The following C12orf42 variants were observed in gnomAD, a reference collection of about 807,000 sequenced individuals.
The protein encoded by C12orf42 is chromosome 12 open reading frame 42, also known as uncharacterized protein C12orf42.
In C12orf42, 25 loss-of-function variants were observed where a neutral mutation model predicts 21.6. That is an observed-to-expected ratio of 1.16 (90% CI 0.84 to 1.62). The LOEUF (loss-of-function observed/expected upper bound fraction) is 1.62, where lower values mean the gene tolerates loss of function less well. Among genes scored for constraint, C12orf42 ranks in the 40% most tolerant of loss-of-function variants. The pLI is 0.00. For missense variants in C12orf42, 483 were observed against 459.3 expected, an observed-to-expected ratio of 1.05 and a Z score of -0.47; for synonymous variants, 174 against 175.0, an observed-to-expected ratio of 0.99 and a Z score of 0.05.
the C12orf42 span, among the ~76,000 whole-genome samples, chr12:103,169,752 T>G: frequency 1.3e-5 from 2 of 149,884 alleles, no homozygotes; most frequent in African/African-American, 4.9e-5. Context: ...ATATAAAAAT[T>G]TGATATGCTA....
chr12:103,376,533 C>A (rs2045712459), intron 3 of C12orf42, among the ~76,000 whole-genome samples: 2 of 152,062 alleles, frequency 1.3e-5, no homozygotes, highest in Non-Finnish European at 2.9e-5. Context: ...TGTAACAAAC[C>A]TGCACATTCT....
intron 2 of C12orf42, among the ~76,000 whole-genome samples, chr12:103,473,991 A>G (rs1953835351): frequency 6.6e-6 from 1 of 152,186 alleles, no homozygotes; most frequent in South Asian, 2.1e-4. Flanking sequence ...TTTTAATGCC[A>G]CTGAGAGGTT....
chr12:103,233,941 A>G (rs1475153607), downstream of C12orf42, among the ~76,000 whole-genome samples: 2 of 152,190 alleles, frequency 1.3e-5, no homozygotes, highest in Non-Finnish European at 2.9e-5. Context: ...TAAATTGTAG[A>G]TATACTTCAA....
At chr12:103,147,515 T>G in the C12orf42 span, among the ~76,000 whole-genome samples, 1 of 149,022 alleles carries the variant, frequency 6.7e-6, no homozygotes, top group Non-Finnish European at 1.5e-5. Context: ...TTTTTTTTTT[T>G]TTTTTGGTTC....
chr12:103,294,164 T>C (rs866814169), intron 4 of C12orf42, among the ~76,000 whole-genome samples: 1 of 151,982 alleles, frequency 6.6e-6, no homozygotes, highest in East Asian at 1.9e-4. Flanking sequence ...ACAATAACTA[T>C]TGGTTGAGTT....
the C12orf42 span, among the ~76,000 whole-genome samples, chr12:103,068,934 CATATATAT>C: frequency 0.025 from 1,177 of 47,870 alleles, 40 homozygotes; most frequent in South Asian, 0.039. Flanking sequence ...TCTCTCTCCA[CATATATAT>C]ATATATATAT....
At chr12:103,400,341 T>C (rs1028833496) in intron 3 of C12orf42, among the ~76,000 whole-genome samples, 2 of 152,240 alleles carry the variant, frequency 1.3e-5, no homozygotes, top group African/African-American at 4.8e-5. Context: ...TACTCCTTGA[T>C]GTGAGATTGG....
chr12:103,236,048 T>C (rs1467683973), downstream of C12orf42, among the ~76,000 whole-genome samples: 1 of 152,204 alleles, frequency 6.6e-6, no homozygotes, highest in South Asian at 2.1e-4. Flanking sequence ...TGCTCTGAGA[T>C]TGCACTTCAG....
chr12:103,437,585 C>T (rs1950835391), intron 2 of C12orf42, among the ~76,000 whole-genome samples: 1 of 151,954 alleles, frequency 6.6e-6, no homozygotes, highest in Non-Finnish European at 1.5e-5. Context: ...CACCACCGAT[C>T]CCACAGAAAT....
At chr12:103,312,674 C>A (rs981955723) in intron 4 of C12orf42, among the ~76,000 whole-genome samples, 3 of 152,168 alleles carry the variant, frequency 2.0e-5, no homozygotes, top group Non-Finnish European at 4.4e-5. Context: ...AAAAAATTCT[C>A]CCAAATATTC....
chr12:103,533,396 C>T, the C12orf42 span, among the ~76,000 whole-genome samples: 16 of 152,140 alleles, frequency 1.1e-4, no homozygotes, highest in African/African-American at 2.9e-4. Flanking sequence ...TGGTTGCTCT[C>T]GTCCATTGTG....
chr12:103,377,736 T>C (rs2045826605), intron 3 of C12orf42, among the ~76,000 whole-genome samples: 2 of 152,078 alleles, frequency 1.3e-5, no homozygotes, highest in South Asian at 4.1e-4. Context: ...CTGTGTGCAC[T>C]CCCTGGTTTA....
chr12:103,142,224 G>T, the C12orf42 span, among the ~76,000 whole-genome samples: 6 of 152,244 alleles, frequency 3.9e-5, no homozygotes, highest in African/African-American at 7.2e-5. Flanking sequence ...AAATTAATGA[G>T]ATTGTTAAAG....
the C12orf42 span, chr12:103,151,907 C>T: frequency 6.6e-6 from 1 of 152,296 alleles, no homozygotes; most frequent in East Asian, 1.9e-4. Flanking sequence ...AATTGAAAGG[C>T]AGATTACCCA....
At chr12:103,375,487 G>A (rs976659901) in intron 3 of C12orf42, among the ~76,000 whole-genome samples, 1 of 152,058 alleles carries the variant, frequency 6.6e-6, no homozygotes, top group African/African-American at 2.4e-5. Flanking sequence ...ATTGTTAAAA[G>A]TATAACTTAT....
downstream of C12orf42, among the ~76,000 whole-genome samples, chr12:103,266,493 C>A (rs533487436): frequency 3.3e-5 from 5 of 152,120 alleles, no homozygotes; most frequent in African/African-American, 1.2e-4. Context: ...TATATTTGTA[C>A]CCCTTGTGGT....
At chr12:103,543,903 G>T in the C12orf42 span, among the ~76,000 whole-genome samples, 14,043 of 102,682 alleles carry the variant, frequency 0.14, 1,314 homozygotes, top group African/African-American at 0.34. Context: ...TTTGTTTTTT[G>T]TTTTTTTTGA....
chr12:103,499,478 G>T (rs920596233), upstream of C12orf42, among the ~76,000 whole-genome samples: 8 of 152,204 alleles, frequency 5.3e-5, no homozygotes, highest in Non-Finnish European at 1.0e-4. Flanking sequence ...TATTTAAGGA[G>T]TGATGAGTGA....
intron 3 of C12orf42, among the ~76,000 whole-genome samples, chr12:103,393,865 C>T (rs2047285492): frequency 6.6e-6 from 1 of 152,186 alleles, no homozygotes; most frequent in African/African-American, 2.4e-5. Flanking sequence ...TGAAAAGCAA[C>T]TCTTTCTAGC....
Sources: allele counts gnomAD v4.1 joint callset (sites outside exome capture counted in the v4.1 genomes callset), GRCh38; gene constraint gnomAD v4.1.1; transcripts MANE v1.5; gene names NCBI Gene and HGNC (gene_info 2026-07-23, HGNC 2026-07-21).